The following TRMT1L variants were observed in gnomAD, a reference collection of about 807,000 sequenced individuals.
TRMT1L encodes the protein tRNA (guanine(27)-N(2))-dimethyltransferase.
Under a neutral mutation model 81.6 loss-of-function variants are expected in TRMT1L, and 28 were observed. The ratio of observed to expected loss-of-function variants is 0.34; its 90% confidence interval spans 0.25 to 0.47. TRMT1L has a LOEUF of 0.47. Ranked by LOEUF, TRMT1L falls within the 20% of genes least tolerant of loss-of-function variation. TRMT1L has a pLI of 1.00. For synonymous variants in TRMT1L, 301 were observed against 303.2 expected (o/e 0.99, Z 0.07); for missense variants, 739 against 877.1 (o/e 0.84, Z 1.99).
intron 1 of TRMT1L, among the ~76,000 whole-genome samples, chr1:185,155,784 C>T (rs1243769979): frequency 6.6e-6 from 1 of 152,176 alleles, no homozygotes; most frequent in African/African-American, 2.4e-5. Context: ...ACTTAGAAAA[C>T]ATGCAGGCAC....
chr1:185,130,556 C>T (rs1470822071), intron 10 of TRMT1L, among the ~76,000 whole-genome samples: 7 of 152,120 alleles, frequency 4.6e-5, no homozygotes, highest in East Asian at 3.8e-4. Flanking sequence ...GACCCTGCGA[C>T]GGCCTGAAAA....
intron 3 of TRMT1L, among the ~76,000 whole-genome samples, chr1:185,148,215 C>T (rs987819373): frequency 6.6e-6 from 1 of 152,166 alleles, no homozygotes; most frequent in African/African-American, 2.4e-5. Context: ...TTTAGCCCCA[C>T]ATTCTTCCTG....
At chr1:185,142,019 T>G (rs1288997682) in intron 7 of TRMT1L, among the ~76,000 whole-genome samples, 4 of 152,048 alleles carry the variant, frequency 2.6e-5, no homozygotes, top group African/African-American at 9.7e-5. Context: ...GTGAGTTATA[T>G]TAGAAAAGAA....
At chr1:185,124,015 C>T in intron 12 of TRMT1L, 96 bp from the exon 13 acceptor site, 1 of 684,490 alleles carries the variant, frequency 1.5e-6, no homozygotes, top group South Asian at 2.4e-5. Flanking sequence ...TCCATCCACA[C>T]TATTTTCACG....
intron 10 of TRMT1L, among the ~76,000 whole-genome samples, chr1:185,136,658 G>C (rs999135894): frequency 1.3e-5 from 2 of 152,058 alleles, no homozygotes; most frequent in Non-Finnish European, 2.9e-5. Context: ...AGCAATACAG[G>C]AACACTGAAA....
intron 10 of TRMT1L, among the ~76,000 whole-genome samples, chr1:185,134,635 G>A (rs1260585554): frequency 1.3e-5 from 2 of 152,160 alleles, no homozygotes; most frequent in African/African-American, 4.8e-5. Flanking sequence ...CACTTATCAA[G>A]TCAAAAAGTC....
chr1:185,128,894 A>T, intron 10 of TRMT1L, 147 bp from the exon 11 acceptor site: 1 of 675,144 alleles, frequency 1.5e-6, no homozygotes. Context: ...ATGTATGTAT[A>T]TATGTGTGTG....
intron 1 of TRMT1L, 138 bp downstream of exon 1, chr1:185,156,340 G>T: frequency 6.3e-7 from 1 of 1,582,386 alleles, no homozygotes; most frequent in Non-Finnish European, 8.6e-7. Context: ...CGCTACACGG[G>T]CCCCTCTTTC....
chr1:185,156,412 C>T, intron 1 of TRMT1L, 66 bp downstream of exon 1: 2 of 1,612,814 alleles, frequency 1.2e-6, no homozygotes, highest in Admixed American at 1.7e-5. Context: ...AAGGGCCTCC[C>T]CTACTTCCCA....
At chr1:185,144,492 C>T (rs534736334) in intron 5 of TRMT1L, among the ~76,000 whole-genome samples, 1 of 152,070 alleles carries the variant, frequency 6.6e-6, no homozygotes, top group South Asian at 2.1e-4. Context: ...CTAAGAATCA[C>T]TCTATTTCCT....
In TRMT1L at chr1:185,143,369, A is replaced by G; in HGVS notation, c.847T>C (p.Phe283Leu). Residue 283 changes from phenylalanine (F) to leucine (L), a missense_variant, in exon 7 of 15, where the codon TTT becomes CTT. Coordinates refer to ENST00000367506, the MANE Select transcript of TRMT1L (RefSeq NM_030934.5). ...ERKPLECLDAFGATGIMGLQW... is the reference protein window; with the variant it reads ...ERKPLECLDALGATGIMGLQW... ...TGTCCTCACTTACCAGTGGCTCCAA[A>G]AGCATCTAGACATTCCAAAGGTTTT... 1 of 1,601,148 alleles carries G rather than the reference A, an allele frequency of 6.2e-7. No individual in the cohort carries two copies. The highest frequency in any genetic ancestry group is 8.5e-7 in the Non-Finnish European group (1 of 1,173,424).
At chr1:185,147,031 T>C (rs1653205842) in intron 4 of TRMT1L, 151 bp downstream of exon 4, 5 of 445,150 alleles carry the variant, frequency 1.1e-5, no homozygotes, top group East Asian at 3.3e-5. Context: ...CATTTCATAG[T>C]TTTCCCATTA....
rs1338128376 is a variant in TRMT1L, at chr1:185,119,995, C to G, written c.*24G>C. The G allele has an allele frequency of 2.5e-6, 4 of 1,610,718 alleles. No individual in the cohort carries two copies. The highest frequency in any genetic ancestry group is 1.7e-5 in the Admixed American group (1 of 59,944). On this transcript the variant is annotated 3_prime_UTR_variant, in exon 15 of 15. Transcript: ENST00000367506. ...ACTATTAGGCCATCTATACAGACAC[C>G]TGAGAACCAATTCTTCTCTACGTTT... is the stretch of plus-strand genomic sequence containing the variant.
chr1:185,139,640 G>GGTA, intron 8 of TRMT1L, 61 bp from the exon 9 acceptor site: 2 of 1,111,210 alleles, frequency 1.8e-6, no homozygotes, highest in Non-Finnish European at 2.5e-6. Context: ...TTATACCACT[G>GGTA]TAATTATTTC....
Position 185,156,676 on chromosome 1 carries a change from C to T in TRMT1L, c.37G>A (p.Glu13Lys). Residue 13 changes from glutamate to lysine, a missense_variant, in exon 1 of 15, where the codon GAG (glutamate) becomes AAG (lysine). Glu to Lys is a moderately conservative substitution (Grantham distance 56). This residue lies in a region of TRMT1L where 209 missense variants were observed against 165.4 expected (regional missense o/e 1.26). Transcript: ENST00000367506. The stretch of plus-strand genomic sequence containing the variant: ...TGGGCCACCTCCACCTCCTCCTTCT[C>T]CAGGGGCAGCAGCTCCTCCTCCGCC... ...NMAEEELLPL[E>K]KEEVEVAQVQ... 1 of 1,612,214 alleles carries T rather than the reference C, an allele frequency of 6.2e-7. No individual in the cohort carries two copies. Among genetic ancestry groups the T allele is most frequent in the Non-Finnish European group, 8.5e-7 (1 of 1,179,630 alleles).
At position 185,143,968 on chromosome 1, in the gene TRMT1L, A is replaced by G; in HGVS notation, c.717T>C (p.Cys239=). The G allele has an allele frequency of 6.2e-7, 1 of 1,611,074 alleles. No homozygotes were observed. Among genetic ancestry groups the G allele is most frequent in the Non-Finnish European group, 8.5e-7 (1 of 1,177,982 alleles). Residue 239 remains cysteine, a synonymous_variant, in exon 6 of 15, where the codon TGT becomes TGC. Transcript: ENST00000367506. ...LKEADTDVQV[C]PNYSIPQKTD... ...TTTTCTGAGGTATAGAATAGTTGGGACAAACTTGTACATCCGTGTCTGCCT... is the reference window on the plus strand; with the variant it reads ...TTTTCTGAGGTATAGAATAGTTGGGGCAAACTTGTACATCCGTGTCTGCCT...
At position 185,137,728 on chromosome 1, in the gene TRMT1L, A is replaced by G; in HGVS notation, c.1391T>C (p.Val464Ala). The G allele has an allele frequency of 6.2e-7, 1 of 1,614,098 alleles. No homozygotes were observed. The highest frequency in any genetic ancestry group is 8.5e-7 in the Non-Finnish European group (1 of 1,180,014). ...FAVALEHFVLVVVRVLRGPTS... is the reference protein window; with the variant it reads ...FAVALEHFVLAVVRVLRGPTS... Reference sequence around the variant, plus strand: ...AGGTCCCCTCAAAACTCTCACAACTACCAACACAAAATGTTCCAGAGCCAC... The same window carrying G: ...AGGTCCCCTCAAAACTCTCACAACTGCCAACACAAAATGTTCCAGAGCCAC... Residue 464 changes from valine to alanine, a missense_variant, in exon 10 of 15, where the codon GTA becomes GCA. Around this residue, in one of 4 missense-constraint regions of TRMT1L, gnomAD observed 331 missense variants for 462.2 expected, o/e 0.72. Transcript: ENST00000367506.
chr1:185,155,078 C>T (rs1278994194), intron 1 of TRMT1L, among the ~76,000 whole-genome samples: 1 of 152,186 alleles, frequency 6.6e-6, no homozygotes, highest in African/African-American at 2.4e-5. Context: ...GCATTTCAGA[C>T]TTCTCAATCA....
chr1:185,143,840 G>A lies in TRMT1L; in HGVS notation c.779+66C>T, dbSNP rs567710301. The A allele has an allele frequency of 8.0e-6, 11 of 1,382,714 alleles. No individual in the cohort carries two copies. The South Asian group carries it at 1.6e-4, about 20-fold the overall frequency. The allele number at this position is 1,382,714 out of a possible 1,614,324, so 85.7% of individuals were successfully genotyped here. On this transcript the variant is annotated intron_variant, in intron 6 of 14. Transcript: ENST00000367506. ...AAATTTTAATATATTAGAACATAAA[G>A]GTTAAGAGAAGGTACACTTATAATA...
Sources: allele counts gnomAD v4.1 joint callset (sites outside exome capture counted in the v4.1 genomes callset), GRCh38; gene constraint gnomAD v4.1.1; regional missense constraint gnomAD v4.1.1; transcripts MANE v1.5; gene names NCBI Gene and HGNC (gene_info 2026-07-23, HGNC 2026-07-21).